MTPAP: variants seen among roughly 807,000 people sequenced by gnomAD.
MTPAP encodes the protein poly(A) RNA polymerase, mitochondrial.
A neutral mutation model predicts 48.7 loss-of-function variants in MTPAP; 23 were observed. The observed-to-expected ratio is 0.47, with a 90% confidence interval of 0.34 to 0.67. MTPAP has a LOEUF of 0.67. MTPAP is among the 30% of genes least tolerant of loss of function. The pLI, the probability that MTPAP is intolerant of heterozygous loss-of-function variation, is 0.01. For synonymous variants in MTPAP, 257 were observed against 254.1 expected (o/e 1.01, Z -0.11); for missense variants, 614 against 694.3 (o/e 0.88, Z 1.30).
At chr10:30,314,282 T>C (rs1840635680) in intron 8 of MTPAP, among the ~76,000 whole-genome samples, 1 of 152,038 alleles carries the variant, frequency 6.6e-6, no homozygotes, top group Non-Finnish European at 1.5e-5. Context: ...GACAAAAGTA[T>C]TTTTAAAATA....
rs1403427691 is a variant in MTPAP, at chr10:30,313,786, G to A, written c.1572C>T (p.Pro524=). 6.2e-7 allele frequency: 1 copy of A among 1,614,144 alleles called. No individual in the cohort carries two copies. The change falls in exon 9 of 9, where the codon CCC becomes CCT. Residue 524 remains proline, a synonymous_variant. Coordinates refer to ENST00000263063, the MANE Select transcript of MTPAP (RefSeq NM_018109.4). ...GTAGCAATAGGGATACCAGCCCCCA[G>A]GGCCGATTACTTGATATGGAAGGTC... is the stretch of plus-strand genomic sequence containing the variant. ...TDRPSISSNR[P]WGLVSLLLPS... is the part of the protein sequence containing the mutation.
intron 6 of MTPAP, among the ~76,000 whole-genome samples, chr10:30,318,386 T>C (rs1840685364): frequency 6.6e-6 from 1 of 152,236 alleles, no homozygotes; most frequent in African/African-American, 2.4e-5. Context: ...TGTATGTATA[T>C]ATATTTCTAC....
Position 30,336,715 on chromosome 10 carries a change from A to T in MTPAP, c.780+88T>A, listed in dbSNP as rs964497365. On this transcript the variant is annotated intron_variant, in intron 4 of 8. Coordinates refer to ENST00000263063, the MANE Select transcript of MTPAP (RefSeq NM_018109.4). ...CAATGTTTAATAAGTTTAGAAATCA[A>T]CAGTTCTATTTTATTAAGTTCAAAG... is the stretch of plus-strand genomic sequence containing the variant. 1.4e-5 allele frequency: 14 copies of T among 1,019,874 alleles called. 4 individuals are homozygous for T. In the Admixed American group the frequency reaches 2.5e-4, roughly 18 times the overall value. 63.2% of individuals were successfully genotyped at this position (1,019,874 alleles called of 1,614,324 possible). A position where few individuals can be genotyped will look rare whatever the true frequency, so the allele number is the denominator to read the frequency against.
intron 3 of MTPAP, among the ~76,000 whole-genome samples, chr10:30,337,903 T>C (rs1186445298): frequency 6.6e-6 from 1 of 152,072 alleles, no homozygotes; most frequent in African/African-American, 2.4e-5. Flanking sequence ...CATACTGAAA[T>C]TGTGTACTGG....
intron 4 of MTPAP, among the ~76,000 whole-genome samples, chr10:30,334,592 C>A (rs1424063930): frequency 6.6e-6 from 1 of 152,020 alleles, no homozygotes; most frequent in East Asian, 1.9e-4. Flanking sequence ...ACCCAGGAGG[C>A]AGAGGCTGCA....
At position 30,311,543 on chromosome 10, in the gene MTPAP, C is replaced by T. The variant is rs1427491636; in HGVS notation, c.*2066G>A. The stretch of plus-strand genomic sequence containing the variant: ...GCACTGACCTAGCATTTTCCTACAT[C>T]CCTCGCTTAATCCTCACATTGATCT... On this transcript the variant is annotated 3_prime_UTR_variant, in exon 9 of 9. Coordinates refer to ENST00000263063, the MANE Select transcript of MTPAP (RefSeq NM_018109.4). 6.6e-6 allele frequency: 1 copy of T among 152,172 alleles called. No homozygotes were observed. The highest frequency in any genetic ancestry group is 1.5e-5 in the Non-Finnish European group (1 of 68,024). 9.4% of individuals were successfully genotyped at this position (152,172 alleles called of 1,614,324 possible). A position where few individuals can be genotyped will look rare whatever the true frequency, so the allele number is the denominator to read the frequency against.
rs143160951 is a variant in MTPAP, at chr10:30,335,557, T to C, written c.780+1246A>G. Among the ~76,000 whole-genome samples the C allele has an allele frequency of 3.9e-3, 597 of 152,328 alleles. 3 individuals carry two copies. Among genetic ancestry groups the C allele is most frequent in the African/African-American group, 0.013 (547 of 41,556 alleles). On this transcript the variant is annotated intron_variant, in intron 4 of 8. Transcript: ENST00000263063. ...TAATTAAATTAAGACATCATTTATA[T>C]TGTTTGGGAGGATGGAAGAGACACT...
intron 6 of MTPAP, among the ~76,000 whole-genome samples, chr10:30,321,372 T>C (rs908932525): frequency 6.6e-6 from 1 of 152,186 alleles, no homozygotes; most frequent in African/African-American, 2.4e-5. Context: ...ATCAAGCTTT[T>C]TTTAAGGTCA....
Position 30,341,536 on chromosome 10 carries a change from C to T in MTPAP, c.262G>A (p.Glu88Lys). 6.2e-7 allele frequency: 1 copy of T among 1,613,956 alleles called. No homozygotes were observed. The highest frequency in any genetic ancestry group is 8.5e-7 in the Non-Finnish European group (1 of 1,179,902). Residue 88 changes from glutamate to lysine, a missense_variant, in exon 2 of 9, where the codon GAA (glutamate) becomes AAA (lysine). By Grantham distance (56) the Glu-to-Lys change is moderately conservative. Transcript: ENST00000263063. ...VLIHCPEKIS[E>K]NKFLKYLSQF... Reference sequence around the variant, plus strand: ...GATAAATATTTAAGAAACTTGTTTTCACTGATTTTCTCTGGGCAATGTATT... The same window carrying T: ...GATAAATATTTAAGAAACTTGTTTTTACTGATTTTCTCTGGGCAATGTATT...
chr10:30,333,510 C>T (rs1834695462), intron 4 of MTPAP, among the ~76,000 whole-genome samples: 2 of 152,146 alleles, frequency 1.3e-5, no homozygotes, highest in Admixed American at 1.3e-4. Context: ...CTGTTATGCT[C>T]CTTGATTATT....
intron 2 of MTPAP, 21 bp from the exon 3 acceptor site, chr10:30,340,471 A>G (rs746411928): frequency 6.5e-7 from 1 of 1,529,778 alleles, no homozygotes; most frequent in Non-Finnish European, 9.1e-7. Flanking sequence ...AACATAAGAA[A>G]AAACAGAACA....
intron 5 of MTPAP, among the ~76,000 whole-genome samples, chr10:30,324,964 C>T (rs1471996468): frequency 6.7e-6 from 1 of 150,258 alleles, no homozygotes; most frequent in Admixed American, 6.6e-5. Flanking sequence ...GCACTCTAGC[C>T]TACGCGACAG....
chr10:30,319,195 G>A (rs1254890035), intron 6 of MTPAP, among the ~76,000 whole-genome samples: 1 of 152,114 alleles, frequency 6.6e-6, no homozygotes, highest in Non-Finnish European at 1.5e-5. Flanking sequence ...AGGAATCAAC[G>A]TAAAAGAAGA....
At chr10:30,318,379 AT>A (rs1314176214) in intron 6 of MTPAP, among the ~76,000 whole-genome samples, 3 of 152,320 alleles carry the variant, frequency 2.0e-5, no homozygotes, top group African/African-American at 7.2e-5. Context: ...AAATGTATGT[AT>A]GTATATATAT....
intron 2 of MTPAP, 107 bp from the exon 3 acceptor site, chr10:30,340,557 T>C (rs1163552682): frequency 2.3e-6 from 2 of 853,578 alleles, no homozygotes; most frequent in Non-Finnish European, 3.9e-6. Flanking sequence ...AAATATCAAG[T>C]CTTTAAAATT....
At chr10:30,346,038 CA>C (rs1407926366) in intron 1 of MTPAP, among the ~76,000 whole-genome samples, 3 of 87,180 alleles carry the variant, frequency 3.4e-5, no homozygotes, top group African/African-American at 1.3e-4. Context: ...GACTCCTTCT[CA>C]AAAGAAAAAA....
chr10:30,322,195 A>C (rs1840733334), intron 6 of MTPAP, among the ~76,000 whole-genome samples, 196 bp downstream of exon 6: 1 of 152,188 alleles, frequency 6.6e-6, no homozygotes, highest in Non-Finnish European at 1.5e-5. Flanking sequence ...ATACAAAGAA[A>C]ACAGAACTCT....
chr10:30,310,391 G>C lies in MTPAP; in HGVS notation c.*3218C>G, dbSNP rs1840575888. On this transcript the variant is annotated 3_prime_UTR_variant, in exon 9 of 9. Coordinates refer to ENST00000263063, the MANE Select transcript of MTPAP (RefSeq NM_018109.4). ...ACCTGAGGTCAGGAGTTCGAGACCA[G>C]CCTGGCCAACAGAGTAAAACCCCAT... is the stretch of plus-strand genomic sequence containing the variant. 6.6e-6 allele frequency: 1 copy of C among 152,026 alleles called. No individual in the cohort carries two copies. 9.4% of individuals were successfully genotyped at this position (152,026 alleles called of 1,614,324 possible). A position where few individuals can be genotyped will look rare whatever the true frequency, so the allele number is the denominator to read the frequency against.
chr10:30,327,499 AAAAT>A (rs55642261), intron 4 of MTPAP, among the ~76,000 whole-genome samples: 54,743 of 138,528 alleles, frequency 0.4, 12,382 homozygotes, highest in Middle Eastern at 0.53. Context: ...ACTCCATTTC[AAAAT>A]AAATAAATAA....
Sources: gnomAD v4.1 joint callset for allele counts (sites outside exome capture counted in the v4.1 genomes callset) on GRCh38, gnomAD v4.1.1 for gene constraint, MANE v1.5 for transcripts, NCBI Gene and HGNC (gene_info 2026-07-23, HGNC 2026-07-21) for gene names.